The following SCN3A variants were observed in gnomAD, a reference collection of about 807,000 sequenced individuals.
SCN3A encodes sodium voltage-gated channel alpha subunit 3.
SCN3A carries 60 observed loss-of-function variants against 187.6 expected under a neutral mutation model. The observed-to-expected ratio is 0.32, with a 90% CI of 0.26 to 0.40. The LOEUF (loss-of-function observed/expected upper bound fraction) is 0.40, where lower values mean the gene tolerates loss of function less well. Among genes scored for constraint, SCN3A ranks in the 10% least tolerant of loss-of-function variants. The probability of loss-of-function intolerance (pLI) is 1.00; values close to 1 mark genes in which losing one functional copy is unlikely to be tolerated. For missense variants in SCN3A, 1,601 were observed against 2,428.2 expected, an observed-to-expected ratio of 0.66 and a Z score of 7.16; for synonymous variants, 788 against 829.2, an observed-to-expected ratio of 0.95 and a Z score of 0.85.
chr2:165,149,076 G>A (rs1688521897), intron 11 of SCN3A, among the ~76,000 whole-genome samples: 1 of 151,972 alleles, frequency 6.6e-6, no homozygotes. Context: ...AACACACAGT[G>A]TTAATCATTT....
chr2:165,200,040 T>C (rs1373320944), intron 1 of SCN3A, among the ~76,000 whole-genome samples: 3 of 152,134 alleles, frequency 2.0e-5, no homozygotes, highest in Non-Finnish European at 2.9e-5. Context: ...AATTGTTCAG[T>C]CTACCTCAAG....
Position 165,180,228 on chromosome 2 carries a change from T to C in SCN3A, c.-50-3784A>G, listed in dbSNP as rs1232318862. 2.0e-5 allele frequency among the ~76,000 whole-genome samples: 3 copies of C among 152,306 alleles called. No individual in the cohort carries two copies. In the South Asian group the frequency reaches 6.2e-4, roughly 32 times the overall value. On this transcript the variant is annotated intron_variant, in intron 2 of 27. Transcript: ENST00000283254. ...AAATCTGGAAAGGATCTCGAAATCA[T>C]TTATTTGGAAAATATTTATGGAGGG...
chr2:165,150,514 C>G (rs1040501246), intron 11 of SCN3A, among the ~76,000 whole-genome samples: 5 of 152,024 alleles, frequency 3.3e-5, no homozygotes, highest in Non-Finnish European at 7.4e-5. Context: ...TATACTTTAC[C>G]TTGGATAAAT....
intron 11 of SCN3A, among the ~76,000 whole-genome samples, chr2:165,153,559 G>A (rs4667786): frequency 0.73 from 110,974 of 151,876 alleles, 40,661 homozygotes; most frequent in East Asian, 0.84. Context: ...AAAAAAAAAG[G>A]AGGGGATTAA....
chr2:165,168,893 C>CA (rs549306045), intron 4 of SCN3A, 68 bp from the exon 5 acceptor site: 12,897 of 1,104,542 alleles, frequency 0.012, 112 homozygotes, highest in Non-Finnish European at 0.013. Context: ...CCAAAACACA[C>CA]AAAAAAGTTT....
rs1689613391 is a variant in SCN3A at position 165,164,475 on chromosome 2, G to T, written c.519C>A (p.Ile173=). 2.5e-6 allele frequency: 4 copies of T among 1,613,704 alleles called. No individual in the cohort carries two copies. Among genetic ancestry groups the T allele is most frequent in the Non-Finnish European group, 3.4e-6 (4 of 1,179,788 alleles). The change falls in exon 6 of 28, where the codon ATC becomes ATA. Residue 173 remains isoleucine, a synonymous_variant. Coordinates refer to ENST00000283254, the MANE Select transcript of SCN3A (RefSeq NM_006922.4). ...CTTCTAAGCAAAACCCTCTTGCCAA[G>T]ATTTTTATAAGTGACTCAAAGGTAT... is the stretch of plus-strand genomic sequence containing the variant. ...GIYTFESLIK[I]LARGFCLEDF...
chr2:165,091,331 C>T lies in SCN3A; in HGVS notation c.4822G>A (p.Glu1608Lys), dbSNP rs1396492713. The change falls in exon 28 of 28, where the codon GAG (glutamate) becomes AAG (lysine). Residue 1608 changes from glutamate (E) to lysine (K), a missense_variant. Around this residue, in one of 11 missense-constraint regions of SCN3A, gnomAD observed 320 missense variants for 623.2 expected, o/e 0.51. Coordinates refer to ENST00000283254, the MANE Select transcript of SCN3A (RefSeq NM_006922.4). Reference protein sequence around the residue: ...ILSIVGMFLAEMIEKYFVSPT... With the variant: ...ILSIVGMFLAKMIEKYFVSPT... Reference sequence around the variant, plus strand: ...GACACAAAATACTTTTCTATCATCTCAGCCAGAAACATACCTATGGAAAAC... The same window carrying T: ...GACACAAAATACTTTTCTATCATCTTAGCCAGAAACATACCTATGGAAAAC... The T allele has an allele frequency of 6.2e-7, 1 of 1,613,940 alleles. No individual in the cohort carries two copies. The highest frequency in any genetic ancestry group is 1.1e-5 in the South Asian group (1 of 91,084).
At chr2:165,136,246 C>G (rs1358335472) in intron 15 of SCN3A, among the ~76,000 whole-genome samples, 1 of 152,170 alleles carries the variant, frequency 6.6e-6, no homozygotes, top group Non-Finnish European at 1.5e-5. Flanking sequence ...CATTGGAATT[C>G]TATATTTCCT....
At chr2:165,139,770 T>TA (rs371467759) in intron 13 of SCN3A, 162 bp from the exon 14 acceptor site, 15 of 795,062 alleles carry the variant, frequency 1.9e-5, no homozygotes, top group African/African-American at 8.8e-5. Flanking sequence ...GTTTTTTTTT[T>TA]AAAAAAAAGT....
At chr2:165,190,799 G>A (rs1339034109) in intron 1 of SCN3A, among the ~76,000 whole-genome samples, 6 of 151,562 alleles carry the variant, frequency 4.0e-5, no homozygotes, top group Non-Finnish European at 7.4e-5. Flanking sequence ...GAACTTGGAA[G>A]CACTGTATCC....
At chr2:165,127,444 G>GA (rs1041886510) in intron 18 of SCN3A, among the ~76,000 whole-genome samples, 187 bp downstream of exon 18, 20 of 152,106 alleles carry the variant, frequency 1.3e-4, no homozygotes, top group African/African-American at 4.8e-4. Context: ...AATTTCCTGT[G>GA]AAAAATTGGA....
intron 4 of SCN3A, among the ~76,000 whole-genome samples, chr2:165,170,144 C>T (rs1690017170): frequency 6.6e-6 from 1 of 151,892 alleles, no homozygotes; most frequent in Non-Finnish European, 1.5e-5. Flanking sequence ...TATATGACCT[C>T]ATTGAAGCTG....
intron 18 of SCN3A, among the ~76,000 whole-genome samples, chr2:165,119,376 C>A (rs1433157188): frequency 6.6e-6 from 1 of 152,074 alleles, no homozygotes; most frequent in Non-Finnish European, 1.5e-5. Context: ...TGTGAATCAC[C>A]TTCTTATTAA....
Position 165,089,979 on chromosome 2 carries a change from A to G in SCN3A, c.*171T>C. The G allele has an allele frequency of 4.8e-6, 4 of 838,550 alleles. No homozygotes were observed. Among genetic ancestry groups the G allele is most frequent in the Non-Finnish European group, 7.2e-6 (4 of 554,270 alleles). The allele number at this position is 838,550 out of a possible 1,614,324, so 51.9% of individuals were successfully genotyped here. A position where few individuals can be genotyped will look rare whatever the true frequency, so the allele number is the denominator to read the frequency against. On this transcript the variant is annotated 3_prime_UTR_variant, in exon 28 of 28. Coordinates refer to ENST00000283254, the MANE Select transcript of SCN3A (RefSeq NM_006922.4). Reference sequence around the variant, plus strand: ...TGTCAATGTTGATACCCTGCTTCACAGAGTTGCAGTGACAGAGAGGTCACT... The same window carrying G: ...TGTCAATGTTGATACCCTGCTTCACGGAGTTGCAGTGACAGAGAGGTCACT...
At chr2:165,196,478 C>T (rs1691969144) in intron 1 of SCN3A, among the ~76,000 whole-genome samples, 1 of 152,012 alleles carries the variant, frequency 6.6e-6, no homozygotes, top group Admixed American at 6.6e-5. Context: ...AATGATGATC[C>T]TCTAGGGAAA....
At chr2:165,132,952 C>T (rs1687435055) in intron 15 of SCN3A, among the ~76,000 whole-genome samples, 2 of 152,078 alleles carry the variant, frequency 1.3e-5, no homozygotes, top group Admixed American at 6.6e-5. Context: ...ACAAACAACC[C>T]CATCAACAAG....
rs1410775973 is a variant in SCN3A, at chr2:165,092,383, G to A, written c.4678C>T (p.Arg1560Trp). 6.2e-6 allele frequency: 10 copies of A among 1,613,884 alleles called. No individual in the cohort carries two copies. Among genetic ancestry groups the A allele is most frequent in the South Asian group, 1.1e-5 (1 of 91,078 alleles). ...QGKYMTLVLS[R>W]INLVFIVLFT... is the part of the protein sequence containing the mutation. The stretch of plus-strand genomic sequence containing the variant: ...AGAACAATGAACACTAGGTTGATCC[G>A]GGACAAAACTAGGGTCATGTATTTG... Residue 1560 changes from arginine to tryptophan, a missense_variant, in exon 27 of 28, where the codon CGG (arginine) becomes TGG (tryptophan). Arg to Trp is a moderately radical substitution (Grantham distance 101, BLOSUM62 -3). Coordinates refer to ENST00000283254, the MANE Select transcript of SCN3A (RefSeq NM_006922.4). The surrounding 1 kb of genome is among the most constrained non-coding windows in gnomAD (Gnocchi z 4.2).
chr2:165,202,100 G>T (rs1348953438), intron 1 of SCN3A, among the ~76,000 whole-genome samples: 1 of 151,960 alleles, frequency 6.6e-6, no homozygotes, highest in Non-Finnish European at 1.5e-5. Context: ...CTTTACAAAT[G>T]AAATCACCAC....
At chr2:165,109,581 A>T (rs932554666) in intron 21 of SCN3A, among the ~76,000 whole-genome samples, 9 of 152,120 alleles carry the variant, frequency 5.9e-5, no homozygotes. Flanking sequence ...TTCACTCCAC[A>T]TATCAAGCCT....
Sources: allele counts gnomAD v4.1 joint callset (sites outside exome capture counted in the v4.1 genomes callset), GRCh38; gene constraint gnomAD v4.1.1; regional missense constraint gnomAD v4.1.1; non-coding constraint Gnocchi (gnomAD v3.1); transcripts MANE v1.5; gene names NCBI Gene and HGNC (gene_info 2026-07-23, HGNC 2026-07-21).